LINGO2: variants seen among roughly 807,000 people sequenced by gnomAD.
LINGO2 encodes leucine-rich repeat and immunoglobulin-like domain-containing nogo receptor-interacting protein 2.
Under a neutral mutation model 30.6 loss-of-function variants are expected in LINGO2, and 14 were observed. That is an observed-to-expected ratio of 0.46 (90% CI 0.30 to 0.72). The LOEUF is 0.72. LINGO2 is among the 30% of genes least tolerant of loss of function. The pLI is 0.07. For missense variants in LINGO2, 729 were observed against 751.7 expected, an observed-to-expected ratio of 0.97 and a Z score of 0.35; for synonymous variants, 317 against 288.5, an observed-to-expected ratio of 1.10 and a Z score of -1.00.
chr9:28,557,738 G>T (rs1220532066), intron 1 of LINGO2, among the ~76,000 whole-genome samples: 1 of 150,010 alleles, frequency 6.7e-6, no homozygotes, highest in East Asian at 2.0e-4. Context: ...CAAAGACTTG[G>T]AACCAACCCA....
chr9:28,030,457 T>C (rs1440488422), intron 4 of LINGO2, among the ~76,000 whole-genome samples: 1 of 152,206 alleles, frequency 6.6e-6, no homozygotes, highest in Non-Finnish European at 1.5e-5. Context: ...GTTACTGTTG[T>C]ATCACAAAGA....
intron 4 of LINGO2, among the ~76,000 whole-genome samples, chr9:28,080,043 C>A (rs1056398028): frequency 3.9e-5 from 6 of 152,212 alleles, no homozygotes; most frequent in Admixed American, 2.0e-4. Flanking sequence ...CTCTTGATAA[C>A]AACCCAGTCT....
the LINGO2 span, among the ~76,000 whole-genome samples, chr9:29,179,020 C>G: frequency 6.6e-6 from 1 of 151,190 alleles, no homozygotes; most frequent in Non-Finnish European, 1.5e-5. Context: ...TGGCTAGACT[C>G]AAAGGGATAT....
intron 1 of LINGO2, among the ~76,000 whole-genome samples, chr9:28,639,283 G>A (rs541703890): frequency 3.9e-5 from 6 of 152,248 alleles, no homozygotes; most frequent in African/African-American, 9.6e-5. Flanking sequence ...GTACTGAGAA[G>A]AATGTATATT....
chr9:28,470,581 C>T (rs1825480010), intron 2 of LINGO2, among the ~76,000 whole-genome samples: 1 of 152,078 alleles, frequency 6.6e-6, no homozygotes, highest in South Asian at 2.1e-4. Context: ...ATGTGCCATC[C>T]CTAGTTTCAA....
intron 4 of LINGO2, among the ~76,000 whole-genome samples, chr9:28,036,506 T>A (rs56103038): frequency 0.064 from 9,687 of 152,246 alleles, 355 homozygotes; most frequent in Middle Eastern, 0.1. Context: ...AGGGTATTTA[T>A]CTGTCTAGAA....
the LINGO2 span, among the ~76,000 whole-genome samples, chr9:28,892,915 T>C: frequency 6.6e-6 from 1 of 152,044 alleles, no homozygotes; most frequent in Non-Finnish European, 1.5e-5. Context: ...AAATTCCACT[T>C]CATTTTCAAA....
chr9:29,174,666 T>A, the LINGO2 span, among the ~76,000 whole-genome samples: 24 of 152,206 alleles, frequency 1.6e-4, no homozygotes, highest in African/African-American at 5.8e-4. Flanking sequence ...TATTGAAGTT[T>A]CCTATTTGCT....
the LINGO2 span, among the ~76,000 whole-genome samples, chr9:28,933,547 G>A: frequency 1.3e-5 from 2 of 152,182 alleles, no homozygotes; most frequent in South Asian, 4.1e-4. Flanking sequence ...AATCTGATGG[G>A]AGTACAGGGT....
chr9:29,009,529 G>C, the LINGO2 span, among the ~76,000 whole-genome samples: 1 of 152,276 alleles, frequency 6.6e-6, no homozygotes, highest in Non-Finnish European at 1.5e-5. Context: ...CGAAATAAAA[G>C]AGGACACAAA....
chr9:28,218,064 A>G (rs1250641338), intron 4 of LINGO2, among the ~76,000 whole-genome samples: 1 of 150,644 alleles, frequency 6.6e-6, no homozygotes, highest in Non-Finnish European at 1.5e-5. Context: ...ATAGATTTGT[A>G]GATGTAGATT....
chr9:28,613,848 G>C (rs1826021195), intron 1 of LINGO2, among the ~76,000 whole-genome samples: 1 of 152,088 alleles, frequency 6.6e-6, no homozygotes, highest in Admixed American at 6.6e-5. Context: ...GTGCAGCAGT[G>C]GTCCATTGGA....
At chr9:28,809,174 A>G in the LINGO2 span, among the ~76,000 whole-genome samples, 1 of 152,354 alleles carries the variant, frequency 6.6e-6, no homozygotes, top group East Asian at 1.9e-4. Context: ...CAATTTATTT[A>G]GAGAACAGTA....
chr9:28,774,517 T>C, the LINGO2 span, among the ~76,000 whole-genome samples: 1 of 152,118 alleles, frequency 6.6e-6, no homozygotes, highest in Non-Finnish European at 1.5e-5. Context: ...AAAAATGTGA[T>C]TGGTATATTC....
intron 4 of LINGO2, among the ~76,000 whole-genome samples, chr9:28,033,251 C>A (rs1168973287): frequency 6.6e-6 from 1 of 152,152 alleles, no homozygotes; most frequent in African/African-American, 2.4e-5. Context: ...ATTCCTATGG[C>A]TTGTCTTCAG....
chr9:28,696,656 A>T, the LINGO2 span, among the ~76,000 whole-genome samples: 1 of 151,916 alleles, frequency 6.6e-6, no homozygotes, highest in Non-Finnish European at 1.5e-5. Flanking sequence ...TTAAGATAGG[A>T]GGATTAAGAA....
chr9:28,192,684 AT>A (rs949610964), intron 4 of LINGO2, among the ~76,000 whole-genome samples: 1 of 152,064 alleles, frequency 6.6e-6, no homozygotes, highest in Non-Finnish European at 1.5e-5. Context: ...ACGGGTCATA[AT>A]TTTTTTATCA....
At chr9:28,954,994 A>C in the LINGO2 span, among the ~76,000 whole-genome samples, 1 of 152,174 alleles carries the variant, frequency 6.6e-6, no homozygotes, top group East Asian at 1.9e-4. Context: ...AAAACCCTGA[A>C]TCAACTGAGG....
At chr9:28,153,473 T>C (rs1002392664) in intron 4 of LINGO2, among the ~76,000 whole-genome samples, 3 of 152,202 alleles carry the variant, frequency 2.0e-5, no homozygotes, top group African/African-American at 7.2e-5. Context: ...CTTATTGATG[T>C]TCAGTACACT....
Sources: gnomAD v4.1 joint callset for allele counts (sites outside exome capture counted in the v4.1 genomes callset) on GRCh38, gnomAD v4.1.1 for gene constraint, MANE v1.5 for transcripts, NCBI Gene and HGNC (gene_info 2026-07-23, HGNC 2026-07-21) for gene names.